Variants in LRRC8E observed in about 807,000 individuals in gnomAD.
LRRC8E encodes the protein volume-regulated anion channel subunit LRRC8E.
A neutral mutation model predicts 6.1 loss-of-function variants in LRRC8E; 6 were observed. The ratio of observed to expected loss-of-function variants is 0.98; its 90% CI spans 0.54 to 1.93. The LOEUF (loss-of-function observed/expected upper bound fraction) is 1.93. Ranked by LOEUF, LRRC8E falls within the 30% of genes most tolerant of loss-of-function variation. The probability of loss-of-function intolerance (pLI) is 0.01; values close to 1 mark genes in which losing one functional copy is unlikely to be tolerated. For missense variants in LRRC8E, 1,028 were observed against 1,031.4 expected (o/e 1.00, Z 0.04); for synonymous variants, 485 against 472.8 (o/e 1.03, Z -0.33).
At position 7,900,064 on chromosome 19, in the gene LRRC8E, G is replaced by A; in HGVS notation, c.1542G>A (p.Leu514=). Residue 514 remains leucine (L), a synonymous_variant, in exon 3 of 3, where the codon CTG becomes CTA. Coordinates refer to ENST00000306708, the MANE Select transcript of LRRC8E (RefSeq NM_025061.6). This position sits in a 1 kb window ranked among gnomAD's most constrained non-coding sequence, Gnocchi z 5.0. Reference sequence around the variant, plus strand: ...TGCGGGGCTTGGAGGAGCTGCACCTGGAGGGGCTTTTCCCCCAGGAGCTAG... The same window carrying A: ...TGCGGGGCTTGGAGGAGCTGCACCTAGAGGGGCTTTTCCCCCAGGAGCTAG... ...FGLRGLEELH[L]EGLFPQELAR... 6.2e-7 allele frequency: 1 copy of A among 1,611,720 alleles called. No homozygotes were observed. Among genetic ancestry groups the A allele is most frequent in the Non-Finnish European group, 8.5e-7 (1 of 1,179,692 alleles).
chr19:7,890,579 G>A (rs1346713394), intron 1 of LRRC8E, among the ~76,000 whole-genome samples: 1 of 151,970 alleles, frequency 6.6e-6, no homozygotes, highest in Admixed American at 6.6e-5. Flanking sequence ...CATGAGATCA[G>A]GAGATTGAGA....
rs199550800 is a variant in LRRC8E at position 7,899,434 on chromosome 19, C to G, written c.912C>G (p.Thr304=). The part of the protein sequence containing the change: ...TGYASFCCNH[T]KAHLFSKLAF... ...ACGCCAGCTTCTGCTGCAACCACAC[C>G]AAGGCCCACCTCTTCTCCAAGCTGG... Residue 304 remains threonine (T), a synonymous_variant, in exon 3 of 3, where the codon ACC becomes ACG. Transcript: ENST00000306708. The G allele has an allele frequency of 1.1e-5, 17 of 1,614,178 alleles. 1 individual carries two copies. In the East Asian group the frequency reaches 3.6e-4, roughly 34 times the overall value.
intron 2 of LRRC8E, among the ~76,000 whole-genome samples, chr19:7,896,127 A>C (rs925224218): frequency 6.6e-6 from 1 of 151,722 alleles, no homozygotes; most frequent in Admixed American, 6.6e-5. Context: ...TTTAGTAGAG[A>C]TGGGGTTTCA....
Position 7,895,709 on chromosome 19 carries a change from C to A in LRRC8E, c.106C>A (p.Leu36Ile). 6.2e-7 allele frequency: 1 copy of A among 1,614,088 alleles called. No individual in the cohort carries two copies. Among genetic ancestry groups the A allele is most frequent in the Non-Finnish European group, 8.5e-7 (1 of 1,179,964 alleles). ...GGCCGAGTACCTCACCGTGGCCATG[C>A]TCATGATTGGGGTCTTTGGCTGCAC... ...VLAEYLTVAM[L>I]MIGVFGCTLQ... Residue 36 changes from leucine (L) to isoleucine (I), a missense_variant, in exon 2 of 3, where the codon CTC becomes ATC. Transcript: ENST00000306708. This position sits in a 1 kb window ranked among gnomAD's most constrained non-coding sequence, Gnocchi z 4.7.
In LRRC8E at chr19:7,899,747, C is replaced by G; in HGVS notation, c.1225C>G (p.Gln409Glu). Residue 409 changes from glutamine to glutamate, a missense_variant, in exon 3 of 3, where the codon CAG becomes GAG. Gln to Glu is a conservative substitution (Grantham distance 29). Coordinates refer to ENST00000306708, the MANE Select transcript of LRRC8E (RefSeq NM_025061.6). ...CGAGTGGACGCCCGAGAAGCTTCGA[C>G]AGAAGCTGCAGCGCAATGCCGCGGG... is the stretch of plus-strand genomic sequence containing the variant. ...NHEWTPEKLRQKLQRNAAGRL... is the reference protein window; with the variant it reads ...NHEWTPEKLREKLQRNAAGRL... The G allele has an allele frequency of 1.2e-6, 2 of 1,611,924 alleles. No homozygotes were observed. The highest frequency in any genetic ancestry group is 1.1e-5 in the South Asian group (1 of 91,086).
intron 1 of LRRC8E, among the ~76,000 whole-genome samples, chr19:7,890,023 G>T (rs1981221099): frequency 6.6e-6 from 1 of 151,708 alleles, no homozygotes; most frequent in Non-Finnish European, 1.5e-5. Context: ...GGGATTACAG[G>T]CGTGATCCAC....
At position 7,900,150 on chromosome 19, in the gene LRRC8E, G is replaced by A. The variant is rs766197115; in HGVS notation, c.1628G>A (p.Arg543Gln). ...ELKQLKVLSL[R>Q]SNAGKVPASV... The stretch of plus-strand genomic sequence containing the variant: ...AAGCAGCTCAAGGTGTTGTCCCTCC[G>A]GAGCAACGCCGGGAAGGTGCCAGCC... Residue 543 changes from arginine to glutamine, a missense_variant, in exon 3 of 3, where the codon CGG becomes CAG. Physicochemically the swap from Arg to Gln is conservative, Grantham distance 43 (BLOSUM62 1). Transcript: ENST00000306708. This position sits in a 1 kb window ranked among gnomAD's most constrained non-coding sequence, Gnocchi z 5.0. 9.3e-6 allele frequency: 15 copies of A among 1,612,954 alleles called. No individual in the cohort carries two copies. The highest frequency in any genetic ancestry group is 1.1e-5 in the Non-Finnish European group (13 of 1,179,974).
chr19:7,895,473 G>A lies in LRRC8E; in HGVS notation c.-5-126G>A, dbSNP rs1269450095. 2.0e-5 allele frequency: 24 copies of A among 1,198,938 alleles called. No individual in the cohort carries two copies. The highest frequency in any genetic ancestry group is 6.1e-5 in the Admixed American group (3 of 49,186). The allele number at this position is 1,198,938 out of a possible 1,614,324, so 74.3% of individuals were successfully genotyped here. ...GGGAAGTGGGGGCACACACTTTGGT[G>A]GTTTGGACAAGTTTGGGCAGGGAGG... On this transcript the variant is annotated intron_variant, in intron 1 of 2. Transcript: ENST00000306708. The surrounding 1 kb of genome is among the most constrained non-coding windows in gnomAD (Gnocchi z 4.7).
intron 2 of LRRC8E, among the ~76,000 whole-genome samples, 177 bp from the exon 3 acceptor site, chr19:7,898,484 C>T (rs1412039979): frequency 4.6e-5 from 7 of 152,112 alleles, no homozygotes; most frequent in African/African-American, 7.2e-5. Context: ...CTCAGCCTCC[C>T]GAGTAGCTGG....
At position 7,895,496 on chromosome 19, in the gene LRRC8E, A is replaced by T. The variant is rs1981529265; in HGVS notation, c.-5-103A>T. 7.0e-7 allele frequency: 1 copy of T among 1,432,308 alleles called. No individual in the cohort carries two copies. The highest frequency in any genetic ancestry group is 1.4e-5 in the African/African-American group (1 of 71,376). The allele number at this position is 1,432,308 out of a possible 1,614,324, so 88.7% of individuals were successfully genotyped here. The stretch of plus-strand genomic sequence containing the variant: ...GTGGTTTGGACAAGTTTGGGCAGGG[A>T]GGGTCACAGGCCTGCCTGTGTCCGG... On this transcript the variant is annotated intron_variant, in intron 1 of 2. Coordinates refer to ENST00000306708, the MANE Select transcript of LRRC8E (RefSeq NM_025061.6). This position sits in a 1 kb window ranked among gnomAD's most constrained non-coding sequence, Gnocchi z 4.7.
In LRRC8E at chr19:7,901,020, G is replaced by C. The variant is rs1028306327; in HGVS notation, c.*107G>C. 13 of 539,152 alleles carry C rather than the reference G, an allele frequency of 2.4e-5. 3 individuals are homozygous for C. Among genetic ancestry groups the C allele is most frequent in the South Asian group, 8.1e-5 (2 of 24,620 alleles). The allele number at this position is 539,152 out of a possible 1,614,324, so 33.4% of individuals were successfully genotyped here. The stretch of plus-strand genomic sequence containing the variant: ...GCCAAGTGGGTCCAGGCCAGGAGAT[G>C]GGGGGGGCGGGGGCAGCTGTGTCAT... On this transcript the variant is annotated 3_prime_UTR_variant, in exon 3 of 3. Coordinates refer to ENST00000306708, the MANE Select transcript of LRRC8E (RefSeq NM_025061.6).
chr19:7,900,466 CGTGCG>C lies in LRRC8E; in HGVS notation c.1946_1950del (p.Val649GlufsTer156). On this transcript the variant is annotated frameshift_variant, in exon 3 of 3. Coordinates refer to ENST00000306708, the MANE Select transcript of LRRC8E (RefSeq NM_025061.6). LOFTEE classifies it low-confidence loss of function (END_TRUNC). The surrounding 1 kb of genome is among the most constrained non-coding windows in gnomAD (Gnocchi z 5.0). ...ACCAGATCGCCTACGTCCCTGAGCACGTGCGGAAGCTCAGGAGCCTGGAGCAGCTC... is the reference window on the plus strand; with the variant it reads ...ACCAGATCGCCTACGTCCCTGAGCACGAAGCTCAGGAGCCTGGAGCAGCTC... The C allele has an allele frequency of 1.2e-6, 2 of 1,613,006 alleles. No individual in the cohort carries two copies. The highest frequency in any genetic ancestry group is 2.2e-5 in the South Asian group (2 of 91,086).
At position 7,900,990 on chromosome 19, in the gene LRRC8E, A is replaced by G; in HGVS notation, c.*77A>G. 1.1e-6 allele frequency: 1 copy of G among 924,984 alleles called. No homozygotes were observed. Among genetic ancestry groups the G allele is most frequent in the South Asian group, 1.7e-5 (1 of 60,170 alleles). 57.3% of individuals were successfully genotyped at this position (924,984 alleles called of 1,614,324 possible). On this transcript the variant is annotated 3_prime_UTR_variant, in exon 3 of 3. Transcript: ENST00000306708. This position sits in a 1 kb window ranked among gnomAD's most constrained non-coding sequence, Gnocchi z 5.0. ...AATCTCAACCATTGTCTTCCAAGAT[A>G]GGAAGCCAAGTGGGTCCAGGCCAGG...
Position 7,899,200 on chromosome 19 carries a change from G to A in LRRC8E, c.678G>A (p.Lys226=). The change falls in exon 3 of 3, where the codon AAG becomes AAA. Residue 226 remains lysine (K), a synonymous_variant. Coordinates refer to ENST00000306708, the MANE Select transcript of LRRC8E (RefSeq NM_025061.6). ...EPPVVTLLDK[K]EGEQAKALFE... is the part of the protein sequence containing the mutation. Reference sequence around the variant, plus strand: ...CAGTTGTCACCCTGTTGGACAAGAAGGAGGGTGAGCAAGCCAAAGCCCTGT... The same window carrying A: ...CAGTTGTCACCCTGTTGGACAAGAAAGAGGGTGAGCAAGCCAAAGCCCTGT... The A allele has an allele frequency of 6.2e-7, 1 of 1,614,194 alleles. No individual in the cohort carries two copies. The highest frequency in any genetic ancestry group is 8.5e-7 in the Non-Finnish European group (1 of 1,180,030).
In LRRC8E at chr19:7,900,274, G is replaced by A. The variant is rs201790483; in HGVS notation, c.1752G>A (p.Leu584=). The A allele has an allele frequency of 5.0e-6, 8 of 1,613,316 alleles. No individual in the cohort carries two copies. Among genetic ancestry groups the A allele is most frequent in the Admixed American group, 3.3e-5 (2 of 60,012 alleles). Reference sequence around the variant, plus strand: ...ACAGCCTCAAGAAGCTGGCGGCATTGCGGGAGCTGGAGCTGGTGGCCTGCG... The same window carrying A: ...ACAGCCTCAAGAAGCTGGCGGCATTACGGGAGCTGGAGCTGGTGGCCTGCG... ...ALNSLKKLAA[L]RELELVACGL... Residue 584 remains leucine, a synonymous_variant, in exon 3 of 3, where the codon TTG becomes TTA. Coordinates refer to ENST00000306708, the MANE Select transcript of LRRC8E (RefSeq NM_025061.6). This position sits in a 1 kb window ranked among gnomAD's most constrained non-coding sequence, Gnocchi z 5.0.
At chr19:7,893,266 A>G (rs1203815976) in intron 1 of LRRC8E, among the ~76,000 whole-genome samples, 1 of 152,056 alleles carries the variant, frequency 6.6e-6, no homozygotes, top group African/African-American at 2.4e-5. Context: ...TCGGCCTCCC[A>G]AAGTGCTGGG....
At chr19:7,896,953 T>C (rs1257585633) in intron 2 of LRRC8E, among the ~76,000 whole-genome samples, 1 of 152,160 alleles carries the variant, frequency 6.6e-6, no homozygotes, top group Non-Finnish European at 1.5e-5. Flanking sequence ...GCAGTTGCTA[T>C]ATGAGTTTGT....
rs776897721 is a variant in LRRC8E at position 7,899,830 on chromosome 19, C to T, written c.1308C>T (p.Leu436=). The T allele has an allele frequency of 1.2e-6, 2 of 1,606,784 alleles. No homozygotes were observed. The highest frequency in any genetic ancestry group is 1.1e-5 in the South Asian group (1 of 91,080). ...LPGLPDTVFE[L]SEVESLRLEA... The stretch of plus-strand genomic sequence containing the variant: ...GTCTGCCCGACACCGTCTTTGAGCT[C>T]AGTGAGGTGGAGTCACTCAGGCTGG... Residue 436 remains leucine (L), a synonymous_variant, in exon 3 of 3, where the codon CTC becomes CTT. Transcript: ENST00000306708.
chr19:7,897,563 G>A (rs575945449), intron 2 of LRRC8E, among the ~76,000 whole-genome samples: 1 of 142,098 alleles, frequency 7.0e-6, no homozygotes, highest in African/African-American at 2.6e-5. Flanking sequence ...CTGTAACCTT[G>A]TACTCCTGGC....
Sources: allele counts gnomAD v4.1 joint callset (sites outside exome capture counted in the v4.1 genomes callset), GRCh38; gene constraint gnomAD v4.1.1; non-coding constraint Gnocchi (gnomAD v3.1); transcripts MANE v1.5; gene names NCBI Gene and HGNC (gene_info 2026-07-23, HGNC 2026-07-21).